MARCHF1: variants seen among roughly 807,000 people sequenced by gnomAD.
MARCHF1 encodes E3 ubiquitin-protein ligase MARCHF1.
In MARCHF1, 40 loss-of-function variants were observed where a neutral mutation model predicts 54.2. That is an observed-to-expected ratio of 0.74 (90% CI 0.57 to 0.96). MARCHF1 has a LOEUF of 0.96. Ranked by LOEUF, MARCHF1 falls within the 40% of genes least tolerant of loss-of-function variation. The pLI, the probability that MARCHF1 is intolerant of heterozygous loss-of-function variation, is 0.00. For missense variants in MARCHF1, 586 were observed against 656.5 expected (o/e 0.89, Z 1.17); for synonymous variants, 236 against 236.3 (o/e 1.00, Z 0.01).
At chr4:163,679,376 A>T (rs1484578120) in intron 5 of MARCHF1, among the ~76,000 whole-genome samples, 1 of 152,104 alleles carries the variant, frequency 6.6e-6, no homozygotes, top group Non-Finnish European at 1.5e-5. Context: ...ACTGCCACTT[A>T]ACGCTTTTTT....
At chr4:164,102,974 G>C (rs1365910509) in intron 2 of MARCHF1, among the ~76,000 whole-genome samples, 28 of 129,868 alleles carry the variant, frequency 2.2e-4, no homozygotes, top group Non-Finnish European at 3.3e-5. Flanking sequence ...CCTAGTCTCT[G>C]ATAAAACAGA....
chr4:163,826,383 A>T (rs1748847926), intron 4 of MARCHF1, among the ~76,000 whole-genome samples: 1 of 152,100 alleles, frequency 6.6e-6, no homozygotes, highest in Non-Finnish European at 1.5e-5. Flanking sequence ...TGTAAGAAGA[A>T]AAACCAAAAA....
At position 164,024,782 on chromosome 4, in the gene MARCHF1, A is replaced by T. The variant is rs376989296; in HGVS notation, c.-247-36073T>A. 2.8e-4 allele frequency among the ~76,000 whole-genome samples: 43 copies of T among 152,274 alleles called. No individual in the cohort carries two copies. In the East Asian group the frequency reaches 8.1e-3, roughly 29 times the overall value. On this transcript the variant is annotated intron_variant, in intron 2 of 9. Transcript: ENST00000514618. ...ATGGTCTAAACACCCCATTTAAAAG[A>T]CAGAGTCACATACTGGATAAATAGG...
chr4:163,767,121 G>C (rs1344118581), intron 4 of MARCHF1, among the ~76,000 whole-genome samples: 3 of 113,754 alleles, frequency 2.6e-5, no homozygotes, highest in Non-Finnish European at 5.3e-5. Context: ...AAAAAAAAAA[G>C]TCTTATCCAA....
chr4:163,990,140 T>A (rs1438157301), intron 2 of MARCHF1, among the ~76,000 whole-genome samples: 1 of 152,198 alleles, frequency 6.6e-6, no homozygotes, highest in Non-Finnish European at 1.5e-5. Flanking sequence ...CATCTTCAAT[T>A]TAAATATTCA....
At chr4:164,085,902 T>C (rs186433664) in intron 2 of MARCHF1, among the ~76,000 whole-genome samples, 6 of 151,958 alleles carry the variant, frequency 3.9e-5, no homozygotes, top group African/African-American at 1.4e-4. Context: ...ACAATTTGAA[T>C]TATGAAAAAA....
chr4:163,956,661 G>A (rs982759047), intron 3 of MARCHF1, among the ~76,000 whole-genome samples: 2 of 152,068 alleles, frequency 1.3e-5, no homozygotes, highest in African/African-American at 4.8e-5. Context: ...ATTATTTTAA[G>A]TAAACAACAC....
chr4:164,228,710 A>G (rs961274849), intron 1 of MARCHF1, among the ~76,000 whole-genome samples: 2 of 152,126 alleles, frequency 1.3e-5, no homozygotes, highest in Non-Finnish European at 2.9e-5. Flanking sequence ...TTATTTTCTA[A>G]CCCCTTTGTT....
chr4:164,277,549 T>A (rs1560984875), intron 1 of MARCHF1, among the ~76,000 whole-genome samples: 1 of 152,226 alleles, frequency 6.6e-6, no homozygotes, highest in African/African-American at 2.4e-5. Context: ...GTACATGTTC[T>A]TCCTCCTGCC....
intron 1 of MARCHF1, among the ~76,000 whole-genome samples, chr4:164,181,993 A>C (rs1448158130): frequency 1.3e-5 from 2 of 152,124 alleles, no homozygotes. Context: ...TATAATAGAC[A>C]ATTCATGCTG....
At chr4:163,826,030 A>G (rs1748839362) in intron 4 of MARCHF1, among the ~76,000 whole-genome samples, 1 of 152,054 alleles carries the variant, frequency 6.6e-6, no homozygotes, top group Non-Finnish European at 1.5e-5. Context: ...TGTCCTCTGT[A>G]TCACTGTTAG....
chr4:164,318,224 T>C (rs1353796522), intron 1 of MARCHF1, among the ~76,000 whole-genome samples: 1 of 152,194 alleles, frequency 6.6e-6, no homozygotes, highest in East Asian at 1.9e-4. Flanking sequence ...TTAGCTGTTA[T>C]CAACTGCAGA....
At chr4:164,174,495 G>A (rs1730611406) in intron 1 of MARCHF1, among the ~76,000 whole-genome samples, 1 of 152,166 alleles carries the variant, frequency 6.6e-6, no homozygotes, top group Admixed American at 6.5e-5. Flanking sequence ...GGACTGCAGG[G>A]TGATTGTGGA....
At position 164,310,947 on chromosome 4, in the gene MARCHF1, T is replaced by C. The variant is rs115756622; in HGVS notation, c.-323+72923A>G. ...AACAAACTCAATTTAGAGAACCTAC[T>C]TCTAAGATTGTGTGCTCCAACTTGC... On this transcript the variant is annotated intron_variant, in intron 1 of 9. Transcript: ENST00000514618. Among the ~76,000 whole-genome samples the C allele has an allele frequency of 1.3e-3, 193 of 152,288 alleles. 1 individual carries two copies. The highest frequency in any genetic ancestry group is 4.5e-3 in the African/African-American group (189 of 41,566).
chr4:164,009,685 A>C (rs1753375854), intron 2 of MARCHF1, among the ~76,000 whole-genome samples: 1 of 152,190 alleles, frequency 6.6e-6, no homozygotes, highest in Non-Finnish European at 1.5e-5. Flanking sequence ...AATCAAGAAA[A>C]ATCTAACCAT....
rs1553989397 is a variant in MARCHF1 at position 164,177,009 on chromosome 4, T to TATATATATATATATATATAC, written c.-322-65348_-322-65347insGTATATATATATATATATAT. On this transcript the variant is annotated intron_variant, in intron 1 of 9. Coordinates refer to ENST00000514618, the MANE Select transcript of MARCHF1 (RefSeq NM_001394959.1). ...ATATATATATATATATATATATATATACAAATGATAGAATTAGGCATGTTT... is the reference window on the plus strand; with the variant it reads ...ATATATATATATATATATATATATATATATATATATATATATATACACAAATGATAGAATTAGGCATGTTT... 1.5e-3 allele frequency among the ~76,000 whole-genome samples: 81 copies of TATATATATATATATATATAC among 55,490 alleles called. 8 individuals are homozygous for TATATATATATATATATATAC. The highest frequency in any genetic ancestry group is 2.1e-3 in the Non-Finnish European group (60 of 28,040). 36.4% of individuals were successfully genotyped at this position (55,490 alleles called of 152,430 possible).
chr4:163,740,427 T>C (rs1412753567), intron 4 of MARCHF1, among the ~76,000 whole-genome samples: 1 of 152,190 alleles, frequency 6.6e-6, no homozygotes, highest in African/African-American at 2.4e-5. Flanking sequence ...AGAGATAAGG[T>C]CAGTTTATTA....
At chr4:164,067,576 T>A (rs1267496824) in intron 2 of MARCHF1, among the ~76,000 whole-genome samples, 1 of 152,126 alleles carries the variant, frequency 6.6e-6, no homozygotes, top group African/African-American at 2.4e-5. Context: ...TATATAAAAA[T>A]TAACTCAAAT....
At chr4:164,064,642 T>C (rs898744490) in intron 2 of MARCHF1, among the ~76,000 whole-genome samples, 3 of 152,192 alleles carry the variant, frequency 2.0e-5, no homozygotes, top group African/African-American at 7.2e-5. Flanking sequence ...CCTTTATTTC[T>C]TTCTGTTGCC....
Sources: allele counts gnomAD v4.1 joint callset (sites outside exome capture counted in the v4.1 genomes callset), GRCh38; gene constraint gnomAD v4.1.1; transcripts MANE v1.5; gene names NCBI Gene and HGNC (gene_info 2026-07-23, HGNC 2026-07-21).